PKIB: variants seen among roughly 807,000 people sequenced by gnomAD.
PKIB encodes the protein cAMP-dependent protein kinase inhibitor beta, also known as PKI-beta.
PKIB carries 2 observed loss-of-function variants against 4.5 expected under a neutral mutation model. That is an observed-to-expected ratio of 0.44 (90% CI 0.18 to 1.39). The LOEUF (loss-of-function observed/expected upper bound fraction) is 1.39. PKIB is among the 40% of genes most tolerant of loss of function. The pLI is 0.27. For missense variants in PKIB, 94 were observed against 92.6 expected (o/e 1.02, Z -0.06); for synonymous variants, 38 against 36.0 (o/e 1.06, Z -0.20).
intron 4 of PKIB, among the ~76,000 whole-genome samples, chr6:122,721,817 ATAT>A (rs1034291141): frequency 6.6e-6 from 1 of 151,890 alleles, no homozygotes; most frequent in African/African-American, 2.4e-5. Context: ...ATATATATAT[ATAT>A]GAGAAATGTT....
chr6:122,709,543 A>G (rs1297688045), intron 3 of PKIB, among the ~76,000 whole-genome samples: 1 of 152,086 alleles, frequency 6.6e-6, no homozygotes, highest in Non-Finnish European at 1.5e-5. Flanking sequence ...TAAATAGAAC[A>G]TGTTACCACT....
At chr6:122,645,609 G>A (rs745826246) in intron 2 of PKIB, among the ~76,000 whole-genome samples, 1 of 152,190 alleles carries the variant, frequency 6.6e-6, no homozygotes, top group Non-Finnish European at 1.5e-5. Flanking sequence ...CCAAGGATTG[G>A]GGCTGAGGCT....
At chr6:122,558,062 T>G (rs934964138) in intron 2 of PKIB, among the ~76,000 whole-genome samples, 12 of 152,164 alleles carry the variant, frequency 7.9e-5, no homozygotes, top group Admixed American at 6.6e-4. Context: ...TTGTTAGGAC[T>G]CCATGTTTCA....
At chr6:122,699,784 G>T (rs78476867) in intron 3 of PKIB, among the ~76,000 whole-genome samples, 15 of 152,242 alleles carry the variant, frequency 9.9e-5, no homozygotes, top group Non-Finnish European at 1.8e-4. Flanking sequence ...GGGTCAGAGC[G>T]TCCATGTCCA....
chr6:122,704,240 T>C (rs1465701925), intron 3 of PKIB, among the ~76,000 whole-genome samples: 1 of 152,092 alleles, frequency 6.6e-6, no homozygotes, highest in East Asian at 1.9e-4. Flanking sequence ...CCCGCCCATA[T>C]TGAGAAGGGC....
intron 3 of PKIB, among the ~76,000 whole-genome samples, chr6:122,681,938 C>T (rs1302041823): frequency 1.3e-5 from 2 of 152,110 alleles, no homozygotes; most frequent in Non-Finnish European, 2.9e-5. Flanking sequence ...TATCAGTGCT[C>T]AATATTCGTT....
intron 3 of PKIB, chr6:122,701,408 G>C (rs2115027828): frequency 6.5e-7 from 1 of 1,534,926 alleles, no homozygotes; most frequent in South Asian, 1.2e-5. Flanking sequence ...GTACTGACTG[G>C]TTAAGGCACT....
chr6:122,698,642 G>A (rs1457815840), intron 3 of PKIB, among the ~76,000 whole-genome samples: 6 of 152,168 alleles, frequency 3.9e-5, no homozygotes, highest in Non-Finnish European at 1.5e-5. Context: ...GGTCGCTGAA[G>A]CCTCTGAGGG....
At chr6:122,692,893 C>T (rs929913640) in intron 3 of PKIB, among the ~76,000 whole-genome samples, 5 of 152,140 alleles carry the variant, frequency 3.3e-5, no homozygotes, top group Non-Finnish European at 7.4e-5. Flanking sequence ...TTATAAGTTA[C>T]TAGGAAACAA....
intron 4 of PKIB, among the ~76,000 whole-genome samples, chr6:122,719,846 G>C (rs1462659990): frequency 3.3e-5 from 5 of 151,768 alleles, no homozygotes; most frequent in Admixed American, 2.6e-4. Context: ...AAAACATCAT[G>C]TTGCACAACA....
chr6:122,543,407 T>G (rs1337526683), intron 2 of PKIB, among the ~76,000 whole-genome samples: 1 of 148,850 alleles, frequency 6.7e-6, no homozygotes, highest in Non-Finnish European at 1.5e-5. Flanking sequence ...TCTTGTTGCC[T>G]GGAGTGCACT....
At chr6:122,589,271 AC>A (rs1773946926) in intron 3 of PKIB, among the ~76,000 whole-genome samples, 1 of 152,166 alleles carries the variant, frequency 6.6e-6, no homozygotes. Flanking sequence ...ATACTATGCA[AC>A]AATTTAAAAG....
chr6:122,589,159 G>A (rs2114721767), intron 3 of PKIB, among the ~76,000 whole-genome samples: 1 of 152,184 alleles, frequency 6.6e-6, no homozygotes, highest in African/African-American at 2.4e-5. Flanking sequence ...TCATAAAAAA[G>A]GATGTTGCAG....
chr6:122,699,627 A>G (rs374390723), intron 3 of PKIB, among the ~76,000 whole-genome samples: 1 of 152,194 alleles, frequency 6.6e-6, no homozygotes, highest in African/African-American at 2.4e-5. Context: ...ACAAATTTTA[A>G]TCCTCAAAAG....
chr6:122,640,153 A>G (rs1423005927), intron 2 of PKIB, among the ~76,000 whole-genome samples: 3 of 152,164 alleles, frequency 2.0e-5, no homozygotes, highest in Non-Finnish European at 4.4e-5. Flanking sequence ...TATAGTGGAC[A>G]CTCAATAGAT....
upstream of PKIB, among the ~76,000 whole-genome samples, chr6:122,609,446 A>C (rs1028134532): frequency 2.6e-5 from 4 of 151,208 alleles, no homozygotes; most frequent in Admixed American, 2.6e-4. Context: ...CACACACTGA[A>C]TAAAATATTA....
chr6:122,678,974 C>T (rs887507788), intron 3 of PKIB, among the ~76,000 whole-genome samples: 4 of 152,166 alleles, frequency 2.6e-5, no homozygotes, highest in Non-Finnish European at 4.4e-5. Flanking sequence ...CAACACGTGG[C>T]GGGAGGCCTG....
chr6:122,564,731 T>C (rs539699692), intron 2 of PKIB, among the ~76,000 whole-genome samples: 7 of 152,246 alleles, frequency 4.6e-5, no homozygotes, highest in East Asian at 1.9e-4. Flanking sequence ...CTTAAGTAAA[T>C]TACTTGACAT....
intron 2 of PKIB, among the ~76,000 whole-genome samples, chr6:122,535,731 T>G (rs936246758): frequency 2.0e-5 from 3 of 152,178 alleles, no homozygotes; most frequent in Non-Finnish European, 4.4e-5. Context: ...TACCCCTTGT[T>G]AGTAGTATGA....
Sources: allele counts gnomAD v4.1 joint callset (sites outside exome capture counted in the v4.1 genomes callset), GRCh38; gene constraint gnomAD v4.1.1; transcripts MANE v1.5; gene names NCBI Gene and HGNC (gene_info 2026-07-23, HGNC 2026-07-21).